ADAMTS6: variants seen among roughly 807,000 people sequenced by gnomAD.
ADAMTS6 encodes ADAM metallopeptidase with thrombospondin type 1 motif 6, also known as A disintegrin and metalloproteinase with thrombospondin motifs 6.
ADAMTS6 carries 23 observed loss-of-function variants against 144.3 expected under a neutral mutation model. The ratio of observed to expected loss-of-function variants is 0.16; its 90% CI spans 0.11 to 0.23. ADAMTS6 has a LOEUF of 0.23. ADAMTS6 is among the 10% of genes least tolerant of loss of function. ADAMTS6 has a pLI of 1.00. For synonymous variants in ADAMTS6, 444 were observed against 457.5 expected (o/e 0.97, Z 0.38); for missense variants, 999 against 1,379.6 (o/e 0.72, Z 4.37).
intron 11 of ADAMTS6, among the ~76,000 whole-genome samples, chr5:65,281,500 A>C (rs1282215094): frequency 6.6e-6 from 1 of 152,154 alleles, no homozygotes; most frequent in African/African-American, 2.4e-5. Context: ...GAACTTCCAA[A>C]TGTAATATCA....
intron 7 of ADAMTS6, among the ~76,000 whole-genome samples, chr5:65,339,587 A>G (rs1273212219): frequency 2.0e-5 from 3 of 149,174 alleles, no homozygotes; most frequent in Admixed American, 6.6e-5. Context: ...GAGATATAAT[A>G]TAGATAGACA....
At chr5:65,376,253 A>AG (rs1751531472) in intron 7 of ADAMTS6, among the ~76,000 whole-genome samples, 1 of 149,812 alleles carries the variant, frequency 6.7e-6, no homozygotes, top group African/African-American at 2.4e-5. Flanking sequence ...CTAAAACTTA[A>AG]AGTAAAATAA....
chr5:65,270,875 A>G (rs1761999297), intron 12 of ADAMTS6, among the ~76,000 whole-genome samples: 1 of 152,200 alleles, frequency 6.6e-6, no homozygotes, highest in African/African-American at 2.4e-5. Context: ...GTCCAAAGAC[A>G]GGGTAAAGGG....
At chr5:65,185,094 C>A (rs184506190) in intron 22 of ADAMTS6, among the ~76,000 whole-genome samples, 4 of 152,252 alleles carry the variant, frequency 2.6e-5, no homozygotes, top group East Asian at 3.9e-4. Flanking sequence ...GACTGAATAC[C>A]GCCTGCTCTT....
intron 7 of ADAMTS6, among the ~76,000 whole-genome samples, chr5:65,389,067 G>T (rs7716046): frequency 0.11 from 16,027 of 152,140 alleles, 912 homozygotes; most frequent in Middle Eastern, 0.13. Context: ...AGCCGGGCGT[G>T]GTGGCGGACG....
At chr5:65,352,148 A>G (rs1015928697) in intron 7 of ADAMTS6, among the ~76,000 whole-genome samples, 4 of 152,340 alleles carry the variant, frequency 2.6e-5, no homozygotes, top group African/African-American at 7.2e-5. Context: ...GCCCTCTACA[A>G]AGCATAGATG....
At chr5:65,177,468 G>A (rs1201301805) in intron 22 of ADAMTS6, among the ~76,000 whole-genome samples, 2 of 152,120 alleles carry the variant, frequency 1.3e-5, no homozygotes, top group Non-Finnish European at 2.9e-5. Flanking sequence ...ACTCTTCTCA[G>A]ACTGGGCATT....
chr5:65,302,092 C>CAAAA (rs1182825165), intron 9 of ADAMTS6, among the ~76,000 whole-genome samples: 243 of 19,940 alleles, frequency 0.012, 2 homozygotes, highest in African/African-American at 0.04. Flanking sequence ...GCTCTGTCTC[C>CAAAA]AAAAAAAAAA....
intron 14 of ADAMTS6, among the ~76,000 whole-genome samples, chr5:65,258,111 G>C (rs1444452599): frequency 6.6e-6 from 1 of 152,084 alleles, no homozygotes; most frequent in Non-Finnish European, 1.5e-5. Context: ...CAACTATATA[G>C]GTGATAGAAG....
chr5:65,332,292 T>TAC (rs1353213043), intron 8 of ADAMTS6, among the ~76,000 whole-genome samples: 1 of 66,600 alleles, frequency 1.5e-5, no homozygotes, highest in Non-Finnish European at 3.2e-5. Context: ...TGAGGGTATA[T>TAC]ATATATATAT....
chr5:65,398,784 GAAAGAAAGAA>G (rs568396585), intron 7 of ADAMTS6, among the ~76,000 whole-genome samples: 4,934 of 48,514 alleles, frequency 0.1, 349 homozygotes, highest in African/African-American at 0.13. Context: ...GAGAGAGCAA[GAAAGAAAGAA>G]AGAAAGAAAG....
intron 7 of ADAMTS6, among the ~76,000 whole-genome samples, chr5:65,378,783 C>CTGA (rs1195698413): frequency 1.2e-4 from 19 of 152,274 alleles, no homozygotes; most frequent in Non-Finnish European, 2.5e-4. Flanking sequence ...ACTGCTATTT[C>CTGA]ATATAAATTA....
intron 7 of ADAMTS6, among the ~76,000 whole-genome samples, chr5:65,378,540 C>G (rs577576416): frequency 1.3e-5 from 2 of 152,166 alleles, no homozygotes; most frequent in Non-Finnish European, 2.9e-5. Context: ...ACATAATTCT[C>G]TTAAAAACTC....
At chr5:65,166,062 C>A (rs1644266275) in intron 24 of ADAMTS6, among the ~76,000 whole-genome samples, 1 of 145,046 alleles carries the variant, frequency 6.9e-6, no homozygotes, top group Admixed American at 7.0e-5. Context: ...GGACTAAATT[C>A]TCCAATTAAA....
At chr5:65,296,899 T>C (rs1237830932) in intron 10 of ADAMTS6, among the ~76,000 whole-genome samples, 1 of 152,218 alleles carries the variant, frequency 6.6e-6, no homozygotes, top group Non-Finnish European at 1.5e-5. Context: ...CCCATAATTT[T>C]TGAAACCTTT....
At chr5:65,324,015 T>C (rs535819168) in intron 9 of ADAMTS6, among the ~76,000 whole-genome samples, 2 of 152,322 alleles carry the variant, frequency 1.3e-5, no homozygotes, top group East Asian at 1.9e-4. Context: ...ATTCTGGATA[T>C]TAGACCTTTG....
At chr5:65,198,719 G>T (rs557246932) in intron 20 of ADAMTS6, 1 of 166,586 alleles carries the variant, frequency 6.0e-6, no homozygotes, top group Non-Finnish European at 1.5e-5. Flanking sequence ...AAACTTAGGG[G>T]TCTTAAACAT....
intron 18 of ADAMTS6, among the ~76,000 whole-genome samples, chr5:65,218,620 G>A (rs1430562457): frequency 6.6e-6 from 1 of 152,066 alleles, no homozygotes; most frequent in Non-Finnish European, 1.5e-5. Flanking sequence ...GACATTACAT[G>A]TATATACACA....
rs1056237870 is a variant in ADAMTS6 at position 65,469,791 on chromosome 5, A to T, written c.462+987T>A. On this transcript the variant is annotated intron_variant, in intron 3 of 24. Coordinates refer to ENST00000381055, the MANE Select transcript of ADAMTS6 (RefSeq NM_197941.4). ...TTTAAACCCAACTCGAATTATAGTT[A>T]TTTTATATTGAAACAGAAATAAGAA... Among the ~76,000 whole-genome samples the T allele has an allele frequency of 2.0e-5, 3 of 152,354 alleles. No homozygotes were observed. In the South Asian group the frequency reaches 6.2e-4, roughly 32 times the overall value.
Sources: gnomAD v4.1 joint callset for allele counts (sites outside exome capture counted in the v4.1 genomes callset) on GRCh38, gnomAD v4.1.1 for gene constraint, MANE v1.5 for transcripts, NCBI Gene and HGNC (gene_info 2026-07-23, HGNC 2026-07-21) for gene names.